The following PJA2 variants were observed in gnomAD, a reference collection of about 807,000 sequenced individuals.
PJA2 encodes the protein praja ring finger ubiquitin ligase 2, also known as E3 ubiquitin-protein ligase Praja-2.
In PJA2, 25 loss-of-function variants were observed where a neutral mutation model predicts 69.3. The ratio of observed to expected loss-of-function variants is 0.36; its 90% CI spans 0.26 to 0.50. PJA2 has a LOEUF of 0.50. Ranked by LOEUF, PJA2 falls within the 20% of genes least tolerant of loss-of-function variation. The probability of loss-of-function intolerance (pLI) is 0.96; values close to 1 mark genes in which losing one functional copy is unlikely to be tolerated. For synonymous variants in PJA2, 308 were observed against 277.8 expected, an observed-to-expected ratio of 1.11 and a Z score of -1.08; for missense variants, 809 against 830.2, an observed-to-expected ratio of 0.97 and a Z score of 0.31.
intron 9 of PJA2, among the ~76,000 whole-genome samples, chr5:109,341,986 G>A (rs868799830): frequency 5.4e-4 from 44 of 82,122 alleles, no homozygotes; most frequent in African/African-American, 2.0e-3. Context: ...CAGCCGCCCC[G>A]TCCGGGAGGG....
At position 109,379,237 on chromosome 5, in the gene PJA2, G is replaced by C; in HGVS notation, c.250C>G (p.Gln84Glu). The C allele has an allele frequency of 6.2e-7, 1 of 1,608,134 alleles. No individual in the cohort carries two copies. The highest frequency in any genetic ancestry group is 1.1e-5 in the South Asian group (1 of 90,072). ...TCACTGGGTAAAGAAGAATCAACTTGATCCAAAGGACTGGAACCTTCATAA... is the reference window on the plus strand; with the variant it reads ...TCACTGGGTAAAGAAGAATCAACTTCATCCAAAGGACTGGAACCTTCATAA... The part of the protein sequence containing the change: ...ENSSGSSPLD[Q>E]VDSSLPSEPI... The change falls in exon 4 of 10, where the codon CAA becomes GAA. Residue 84 changes from glutamine (Q) to glutamate (E), a missense_variant. This residue lies in a region of PJA2 where 700 missense variants were observed against 639.5 expected (regional missense o/e 1.09). Transcript: ENST00000361189.
intron 4 of PJA2, among the ~76,000 whole-genome samples, chr5:109,368,969 C>A (rs543284734): frequency 2.6e-4 from 39 of 152,116 alleles, no homozygotes; most frequent in Non-Finnish European, 5.0e-4. Flanking sequence ...TCTTGTGATA[C>A]TGAGTTTTCA....
rs568626246 is a variant in PJA2, at chr5:109,354,061, A to G, written c.1764+1854T>C. Among the ~76,000 whole-genome samples the G allele has an allele frequency of 2.5e-3, 334 of 131,582 alleles. 2 individuals are homozygous for G. Among genetic ancestry groups the G allele is most frequent in the African/African-American group, 0.01 (315 of 31,130 alleles). The allele number at this position is 131,582 out of a possible 152,430, so 86.3% of individuals were successfully genotyped here. On this transcript the variant is annotated intron_variant, in intron 7 of 9. Transcript: ENST00000361189. ...TATCTATAGATTAGATATCTATGAT[A>G]TCTAGAGATATCTATAGATTAGATA... is the stretch of plus-strand genomic sequence containing the variant.
chr5:109,378,130 C>A (rs886475245), intron 4 of PJA2, 74 bp downstream of exon 4: 1 of 1,036,446 alleles, frequency 9.6e-7, no homozygotes, highest in South Asian at 1.6e-5. Context: ...AATAGCCCAG[C>A]CATCAAACAT....
intron 1 of PJA2, among the ~76,000 whole-genome samples, chr5:109,403,230 A>C (rs1007256974): frequency 1.3e-5 from 2 of 152,146 alleles, no homozygotes; most frequent in African/African-American, 4.8e-5. Flanking sequence ...ACAACGAATA[A>C]ATGAAATAAG....
At chr5:109,352,953 T>C (rs1260160987) in intron 7 of PJA2, among the ~76,000 whole-genome samples, 2 of 127,382 alleles carry the variant, frequency 1.6e-5, no homozygotes, top group Admixed American at 8.0e-5. Context: ...ATACCTATTA[T>C]ATCTATAGAC....
At chr5:109,390,095 T>C (rs528489268) in intron 1 of PJA2, among the ~76,000 whole-genome samples, 1 of 152,150 alleles carries the variant, frequency 6.6e-6, no homozygotes, top group Non-Finnish European at 1.5e-5. Context: ...TAAATGTCAA[T>C]TAGGTTAAGT....
At chr5:109,406,693 C>T (rs1747699971) in intron 1 of PJA2, among the ~76,000 whole-genome samples, 1 of 152,048 alleles carries the variant, frequency 6.6e-6, no homozygotes, top group South Asian at 2.1e-4. Flanking sequence ...AAAAGATGTT[C>T]ACAAAAATTC....
chr5:109,365,152 A>G (rs1395717083), intron 5 of PJA2, among the ~76,000 whole-genome samples: 3 of 152,194 alleles, frequency 2.0e-5, no homozygotes, highest in Non-Finnish European at 2.9e-5. Flanking sequence ...CTAAACATGT[A>G]CAATGTGTTT....
chr5:109,393,537 T>C (rs1465095591), intron 1 of PJA2, among the ~76,000 whole-genome samples: 3 of 151,666 alleles, frequency 2.0e-5, no homozygotes, highest in African/African-American at 7.3e-5. Context: ...TGGCAGGCTG[T>C]TGAGGGTGAC....
At position 109,344,333 on chromosome 5, in the gene PJA2, G is replaced by A. The variant is rs766351378; in HGVS notation, c.1880-22C>T. 4.4e-6 allele frequency: 7 copies of A among 1,579,318 alleles called. No homozygotes were observed. The African/African-American group carries it at 6.8e-5, about 15-fold the overall frequency. ...ATAGCTGAAAACAACAAATAATTCA[G>A]GTCAATCACACGTAGTTCAATTTTA... On this transcript the variant is annotated intron_variant, in intron 8 of 9. Transcript: ENST00000361189.
intron 1 of PJA2, among the ~76,000 whole-genome samples, chr5:109,396,200 A>G (rs567516552): frequency 1.1e-4 from 16 of 152,214 alleles, no homozygotes; most frequent in African/African-American, 3.6e-4. Flanking sequence ...TTCTATTTTC[A>G]TTAGTAAACA....
intron 4 of PJA2, among the ~76,000 whole-genome samples, chr5:109,372,896 A>G (rs1329278326): frequency 8.5e-6 from 1 of 118,078 alleles, no homozygotes; most frequent in African/African-American, 3.7e-5. Context: ...CTAGAGCAAC[A>G]CTCCGTCTCA....
At chr5:109,361,109 C>T (rs986866602) in intron 6 of PJA2, among the ~76,000 whole-genome samples, 4 of 152,130 alleles carry the variant, frequency 2.6e-5, no homozygotes, top group African/African-American at 7.2e-5. Flanking sequence ...GCCTGGGCAA[C>T]AGAACGAGAC....
At chr5:109,403,828 T>C (rs949904196) in intron 1 of PJA2, among the ~76,000 whole-genome samples, 3 of 151,220 alleles carry the variant, frequency 2.0e-5, no homozygotes, top group Admixed American at 6.6e-5. Context: ...TCCCAACACT[T>C]TGGGGGGCCA....
At chr5:109,353,740 C>CTA (rs1554053552) in intron 7 of PJA2, among the ~76,000 whole-genome samples, 190 of 118,262 alleles carry the variant, frequency 1.6e-3, no homozygotes, top group African/African-American at 4.2e-3. Flanking sequence ...ATCTAGATAT[C>CTA]TAGATTAGAT....
In PJA2 at chr5:109,378,943, G is replaced by C; in HGVS notation, c.544C>G (p.Gln182Glu). 5 of 1,614,146 alleles carry C rather than the reference G, an allele frequency of 3.1e-6. No individual in the cohort carries two copies. Among genetic ancestry groups the C allele is most frequent in the Non-Finnish European group, 4.2e-6 (5 of 1,180,032 alleles). Residue 182 changes from glutamine (Q) to glutamate (E), a missense_variant, in exon 4 of 10, where the codon CAA becomes GAA. By Grantham distance (29) the Gln-to-Glu change is conservative. Coordinates refer to ENST00000361189, the MANE Select transcript of PJA2 (RefSeq NM_014819.5). Reference protein sequence around the residue: ...GKHGEDNDHLQLSAEVVEGSR... With the variant: ...GKHGEDNDHLELSAEVVEGSR... ...CCTTCCACGACTTCTGCAGAAAGTT[G>C]AAGATGGTCATTATCTTCTCCATGT...
intron 7 of PJA2, among the ~76,000 whole-genome samples, chr5:109,355,614 A>G (rs1046915147): frequency 1.3e-5 from 2 of 152,228 alleles, no homozygotes; most frequent in African/African-American, 4.8e-5. Context: ...GCGTGTGTAT[A>G]TAAGATATTC....
At chr5:109,343,452 CAT>C (rs1762120619) in intron 9 of PJA2, among the ~76,000 whole-genome samples, 2 of 149,316 alleles carry the variant, frequency 1.3e-5, no homozygotes, top group South Asian at 4.2e-4. Flanking sequence ...AAGTATCTCT[CAT>C]ATACATTTCA....
Sources: allele counts gnomAD v4.1 joint callset (sites outside exome capture counted in the v4.1 genomes callset), GRCh38; gene constraint gnomAD v4.1.1; regional missense constraint gnomAD v4.1.1; transcripts MANE v1.5; gene names NCBI Gene and HGNC (gene_info 2026-07-23, HGNC 2026-07-21).